The following ANXA10 variants were observed in gnomAD, a reference collection of about 807,000 sequenced individuals.
ANXA10 encodes annexin 14.
In ANXA10, 49 loss-of-function variants were observed where a neutral mutation model predicts 53.5. The ratio of observed to expected loss-of-function variants is 0.92; its 90% CI spans 0.73 to 1.16. ANXA10 has a LOEUF of 1.16. ANXA10 is among the 50% of genes most tolerant of loss of function. The pLI, the probability that ANXA10 is intolerant of heterozygous loss-of-function variation, is 0.00. For missense variants in ANXA10, 393 were observed against 394.4 expected (o/e 1.00, Z 0.03); for synonymous variants, 131 against 128.9 (o/e 1.02, Z -0.11).
At chr4:168,185,557 T>G (rs749974207) in intron 11 of ANXA10, among the ~76,000 whole-genome samples, 12 of 152,236 alleles carry the variant, frequency 7.9e-5, no homozygotes, top group Non-Finnish European at 1.5e-4. Flanking sequence ...CTGATACTTT[T>G]AAACTTCATG....
At chr4:168,161,602 C>T (rs1034533052) in intron 3 of ANXA10, among the ~76,000 whole-genome samples, 1 of 151,914 alleles carries the variant, frequency 6.6e-6, no homozygotes, top group Admixed American at 6.6e-5. Context: ...CTGTGAAGAA[C>T]ATTAATGGGA....
At chr4:168,108,616 C>G (rs982930773) in intron 1 of ANXA10, among the ~76,000 whole-genome samples, 2 of 152,178 alleles carry the variant, frequency 1.3e-5, no homozygotes, top group Non-Finnish European at 2.9e-5. Context: ...ACTCCTCCTA[C>G]TTTGTAGCAC....
intron 1 of ANXA10, among the ~76,000 whole-genome samples, chr4:168,097,218 G>C (rs1030627784): frequency 6.6e-6 from 1 of 151,462 alleles, no homozygotes; most frequent in Non-Finnish European, 1.5e-5. Flanking sequence ...AATTCTCTCC[G>C]TATCCATTCA....
chr4:168,175,620 T>C (rs1732112412), intron 6 of ANXA10, among the ~76,000 whole-genome samples: 1 of 152,230 alleles, frequency 6.6e-6, no homozygotes, highest in African/African-American at 2.4e-5. Context: ...CCCATAGTCC[T>C]ACCACTCAAT....
At chr4:168,187,323 A>C in intron 11 of ANXA10, 43 bp from the exon 12 acceptor site, 1 of 1,310,808 alleles carries the variant, frequency 7.6e-7, no homozygotes, top group Non-Finnish European at 1.1e-6. Flanking sequence ...TTTTAGAACT[A>C]TTATGATATT....
intron 1 of ANXA10, among the ~76,000 whole-genome samples, chr4:168,096,562 A>T (rs1207691276): frequency 6.6e-6 from 1 of 152,058 alleles, no homozygotes; most frequent in Non-Finnish European, 1.5e-5. Context: ...CTGGGCAAAC[A>T]TCACTGTAGC....
intron 6 of ANXA10, among the ~76,000 whole-genome samples, chr4:168,170,892 C>T (rs1731972258): frequency 6.6e-6 from 1 of 152,090 alleles, no homozygotes; most frequent in Non-Finnish European, 1.5e-5. Flanking sequence ...AATATAATCT[C>T]CTTTAATAAT....
chr4:168,102,630 T>C (rs1032667359), intron 1 of ANXA10, among the ~76,000 whole-genome samples: 4 of 152,114 alleles, frequency 2.6e-5, no homozygotes, highest in African/African-American at 9.7e-5. Flanking sequence ...CCACAATTTG[T>C]TTATCTGTTC....
At chr4:168,187,039 T>C (rs1732383421) in intron 11 of ANXA10, among the ~76,000 whole-genome samples, 1 of 152,074 alleles carries the variant, frequency 6.6e-6, no homozygotes, top group African/African-American at 2.4e-5. Flanking sequence ...CATTCATTTA[T>C]AACAATAATA....
At chr4:168,094,140 C>A (rs918025134) in intron 1 of ANXA10, among the ~76,000 whole-genome samples, 5 of 151,780 alleles carry the variant, frequency 3.3e-5, no homozygotes, top group Non-Finnish European at 5.9e-5. Context: ...GCCCATTTTT[C>A]AAAAGAAACA....
chr4:168,110,596 T>C (rs1730792943), intron 1 of ANXA10, among the ~76,000 whole-genome samples: 1 of 152,138 alleles, frequency 6.6e-6, no homozygotes, highest in Non-Finnish European at 1.5e-5. Context: ...TATTTGTCTA[T>C]CAAGGTTAAT....
chr4:168,105,918 TA>T (rs1730713280), intron 1 of ANXA10, among the ~76,000 whole-genome samples: 1 of 152,116 alleles, frequency 6.6e-6, no homozygotes, highest in Non-Finnish European at 1.5e-5. Context: ...GTCTTCTTTT[TA>T]AAAGTATCTG....
chr4:168,156,070 T>TTATATATATTATATATCATATTTATTATA (rs1731652434), intron 3 of ANXA10, among the ~76,000 whole-genome samples: 1 of 66,782 alleles, frequency 1.5e-5, no homozygotes, highest in African/African-American at 6.1e-5. Context: ...ATATCATATA[T>TTATATATATTATATATCATATTTATTATA]TATATATATT....
chr4:168,119,394 T>C (rs1174344282), intron 1 of ANXA10, among the ~76,000 whole-genome samples: 1 of 152,198 alleles, frequency 6.6e-6, no homozygotes, highest in African/African-American at 2.4e-5. Context: ...AGGCTGATTT[T>C]CATTTAGCAC....
Position 168,177,988 on chromosome 4 carries a change from T to A in ANXA10, c.628+5T>A. On this transcript the variant is annotated splice_donor_5th_base_variant and intron_variant, in intron 8 of 11. Coordinates refer to ENST00000359299, the MANE Select transcript of ANXA10 (RefSeq NM_007193.5). ...GCTACCAGCAGCTGCGGCTGGGTAA[T>A]TATTAACTGGGTTTCGTTCCAGCTA... 1 of 1,612,822 alleles carries A rather than the reference T, an allele frequency of 6.2e-7. No homozygotes were observed. Among genetic ancestry groups the A allele is most frequent in the East Asian group, 2.2e-5 (1 of 44,880 alleles).
chr4:168,140,472 C>A (rs1338136343), intron 3 of ANXA10, among the ~76,000 whole-genome samples: 2 of 152,196 alleles, frequency 1.3e-5, no homozygotes, highest in Non-Finnish European at 2.9e-5. Flanking sequence ...CCAGTGATAT[C>A]TTCTTTTCCA....
chr4:168,158,573 T>C (rs980330321), intron 3 of ANXA10, among the ~76,000 whole-genome samples: 2 of 152,156 alleles, frequency 1.3e-5, no homozygotes, highest in African/African-American at 4.8e-5. Context: ...AGTATATAGC[T>C]CTAGTACAAA....
At chr4:168,186,275 T>C (rs776134550) in intron 11 of ANXA10, among the ~76,000 whole-genome samples, 14 of 152,204 alleles carry the variant, frequency 9.2e-5, no homozygotes, top group Non-Finnish European at 1.6e-4. Flanking sequence ...TTGGAAAATA[T>C]AGAAATTATA....
At position 168,139,535 on chromosome 4, in the gene ANXA10, A is replaced by C. The variant is rs1391089021; in HGVS notation, c.150A>C (p.Ala50=). ...ACATTCTGACTCAGCGCTGCAATGCACAAAGGATGATGATTGCAGAGGCAT... is the reference window on the plus strand; with the variant it reads ...ACATTCTGACTCAGCGCTGCAATGCCCAAAGGATGATGATTGCAGAGGCAT... The part of the protein sequence containing the change: ...LINILTQRCN[A]QRMMIAEAYQ... Residue 50 remains alanine, a synonymous_variant, in exon 3 of 12, where the codon GCA becomes GCC. Transcript: ENST00000359299. 1.9e-6 allele frequency: 3 copies of C among 1,613,348 alleles called. No homozygotes were observed. The highest frequency in any genetic ancestry group is 2.5e-6 in the Non-Finnish European group (3 of 1,179,388).
Sources: gnomAD v4.1 joint callset for allele counts (sites outside exome capture counted in the v4.1 genomes callset) on GRCh38, gnomAD v4.1.1 for gene constraint, MANE v1.5 for transcripts, NCBI Gene and HGNC (gene_info 2026-07-23, HGNC 2026-07-21) for gene names.